LINGO2: variants seen among roughly 807,000 people sequenced by gnomAD.
LINGO2 encodes the protein leucine-rich repeat and immunoglobulin-like domain-containing nogo receptor-interacting protein 2.
A neutral mutation model predicts 30.6 loss-of-function variants in LINGO2; 14 were observed. The ratio of observed to expected loss-of-function variants is 0.46; its 90% CI spans 0.30 to 0.72. The LOEUF is 0.72. Among genes scored for constraint, LINGO2 ranks in the 30% least tolerant of loss-of-function variants. The pLI is 0.07. For synonymous variants in LINGO2, 317 were observed against 288.5 expected (o/e 1.10, Z -1.00); for missense variants, 729 against 751.7 (o/e 0.97, Z 0.35).
At chr9:28,558,703 T>A (rs1330180921) in intron 1 of LINGO2, among the ~76,000 whole-genome samples, 1 of 152,050 alleles carries the variant, frequency 6.6e-6, no homozygotes, top group Non-Finnish European at 1.5e-5. Flanking sequence ...GGGGGCTTTT[T>A]AACTTTCTGC....
chr9:28,401,354 T>A (rs2134745749), intron 2 of LINGO2, among the ~76,000 whole-genome samples: 1 of 152,278 alleles, frequency 6.6e-6, no homozygotes, highest in East Asian at 1.9e-4. Context: ...TTCTCAATGT[T>A]CAACTCCCAC....
chr9:28,003,544 C>T (rs765448054), intron 5 of LINGO2, among the ~76,000 whole-genome samples: 69 of 152,152 alleles, frequency 4.5e-4, no homozygotes, highest in Middle Eastern at 3.4e-3. Flanking sequence ...CTGCAAGCTC[C>T]GCCTCCCGAG....
At chr9:28,835,852 C>G in the LINGO2 span, among the ~76,000 whole-genome samples, 1 of 152,228 alleles carries the variant, frequency 6.6e-6, no homozygotes, top group African/African-American at 2.4e-5. Context: ...CCTCTACAGT[C>G]CCCATTTTCT....
the LINGO2 span, among the ~76,000 whole-genome samples, chr9:28,750,714 T>C: frequency 2.0e-5 from 3 of 152,058 alleles, no homozygotes; most frequent in African/African-American, 7.3e-5. Flanking sequence ...TCATCTGTTA[T>C]GTGGAGAAAA....
chr9:28,455,056 C>T (rs1824791733), intron 2 of LINGO2, among the ~76,000 whole-genome samples: 1 of 151,946 alleles, frequency 6.6e-6, no homozygotes, highest in African/African-American at 2.4e-5. Context: ...TCTTTTAGAT[C>T]CCTTCACTCA....
intron 1 of LINGO2, among the ~76,000 whole-genome samples, chr9:28,584,822 A>C (rs1395371249): frequency 6.6e-6 from 1 of 152,082 alleles, no homozygotes; most frequent in African/African-American, 2.4e-5. Flanking sequence ...TAAGTTTAAC[A>C]TATTTTTTCA....
At chr9:28,007,770 A>G (rs1822339451) in intron 5 of LINGO2, among the ~76,000 whole-genome samples, 2 of 152,160 alleles carry the variant, frequency 1.3e-5, no homozygotes, top group Non-Finnish European at 2.9e-5. Context: ...TTGGATGGCA[A>G]ACACACCAAT....
the LINGO2 span, among the ~76,000 whole-genome samples, chr9:28,923,201 G>A: frequency 7.9e-5 from 12 of 152,178 alleles, no homozygotes; most frequent in South Asian, 2.1e-4. Flanking sequence ...TTATCTTATA[G>A]ATGGTTAGAT....
At chr9:28,963,180 C>T in the LINGO2 span, among the ~76,000 whole-genome samples, 3 of 151,852 alleles carry the variant, frequency 2.0e-5, no homozygotes, top group African/African-American at 7.2e-5. Context: ...TGTACTAATA[C>T]TTGAGAAGAG....
the LINGO2 span, among the ~76,000 whole-genome samples, chr9:28,772,091 C>T: frequency 6.6e-6 from 1 of 151,942 alleles, no homozygotes; most frequent in South Asian, 2.1e-4. Flanking sequence ...ATTATTTTTC[C>T]CCGAACATCT....
the LINGO2 span, among the ~76,000 whole-genome samples, chr9:28,798,540 A>G: frequency 6.6e-6 from 1 of 152,126 alleles, no homozygotes; most frequent in African/African-American, 2.4e-5. Context: ...TCAGGCCATG[A>G]CTTGAAAAAG....
At chr9:28,121,375 C>A (rs1489228516) in intron 4 of LINGO2, among the ~76,000 whole-genome samples, 1 of 152,086 alleles carries the variant, frequency 6.6e-6, no homozygotes, top group Non-Finnish European at 1.5e-5. Flanking sequence ...CATCTATGTT[C>A]TTTTAGAGTT....
intron 5 of LINGO2, among the ~76,000 whole-genome samples, chr9:27,974,118 T>G (rs1820482283): frequency 6.6e-6 from 1 of 152,128 alleles, no homozygotes; most frequent in African/African-American, 2.4e-5. Flanking sequence ...AAATGACTTG[T>G]CATAGCCATC....
chr9:29,125,145 C>G, the LINGO2 span, among the ~76,000 whole-genome samples: 2 of 152,062 alleles, frequency 1.3e-5, no homozygotes, highest in Admixed American at 1.3e-4. Flanking sequence ...TCATTCTCAG[C>G]AAACTAACAC....
the LINGO2 span, among the ~76,000 whole-genome samples, chr9:29,068,539 G>A: frequency 6.6e-6 from 1 of 151,648 alleles, no homozygotes; most frequent in Admixed American, 6.6e-5. Context: ...CTCCTTATAT[G>A]CACCAAGGAT....
the LINGO2 span, among the ~76,000 whole-genome samples, chr9:28,981,966 G>A: frequency 5.2e-3 from 785 of 152,080 alleles, 5 homozygotes; most frequent in African/African-American, 0.018. Context: ...TTCAACTGCC[G>A]GCATAAGTGT....
At chr9:29,007,203 T>C in the LINGO2 span, among the ~76,000 whole-genome samples, 32 of 152,250 alleles carry the variant, frequency 2.1e-4, no homozygotes, top group East Asian at 5.8e-4. Flanking sequence ...ATGGACTTGA[T>C]ACTGAATATT....
intron 4 of LINGO2, among the ~76,000 whole-genome samples, chr9:28,287,770 C>T (rs370761592): frequency 2.0e-5 from 3 of 152,228 alleles, no homozygotes; most frequent in African/African-American, 7.2e-5. Context: ...TTCAAGCATA[C>T]ACTGAGAGAG....
chr9:28,571,471 A>T (rs1823687425), intron 1 of LINGO2, among the ~76,000 whole-genome samples: 1 of 152,026 alleles, frequency 6.6e-6, no homozygotes, highest in Admixed American at 6.6e-5. Flanking sequence ...GTGCCCTCTT[A>T]CACCACACTT....
Sources: allele counts gnomAD v4.1 joint callset (sites outside exome capture counted in the v4.1 genomes callset), GRCh38; gene constraint gnomAD v4.1.1; transcripts MANE v1.5; gene names NCBI Gene and HGNC (gene_info 2026-07-23, HGNC 2026-07-21).